ELAPOR1: variants seen among roughly 807,000 people sequenced by gnomAD.
ELAPOR1 encodes endosome/lysosome-associated apoptosis and autophagy regulator 1.
In ELAPOR1, 77 loss-of-function variants were observed where a neutral mutation model predicts 119.7. The ratio of observed to expected loss-of-function variants is 0.64; its 90% CI spans 0.54 to 0.78. The LOEUF (loss-of-function observed/expected upper bound fraction) is 0.78, where lower values mean the gene tolerates loss of function less well. ELAPOR1 is among the 30% of genes least tolerant of loss of function. The pLI is 0.00. For synonymous variants in ELAPOR1, 481 were observed against 487.2 expected, an observed-to-expected ratio of 0.99 and a Z score of 0.17; for missense variants, 1,115 against 1,270.4, an observed-to-expected ratio of 0.88 and a Z score of 1.86.
At position 109,175,814 on chromosome 1, in the gene ELAPOR1, G is replaced by A. The variant is rs560457657; in HGVS notation, c.952+1977G>A. The stretch of plus-strand genomic sequence containing the variant: ...TGCACTCCAGCCTGGGTGATAGAGC[G>A]AGACTCAGTCTCAAAAAAAAAAAAA... On this transcript the variant is annotated intron_variant, in intron 7 of 21. Coordinates refer to ENST00000369939, the MANE Select transcript of ELAPOR1 (RefSeq NM_020775.5). Among the ~76,000 whole-genome samples, 376 of 111,576 alleles carry A rather than the reference G, an allele frequency of 3.4e-3. 3 individuals carry two copies. The highest frequency in any genetic ancestry group is 0.012 in the African/African-American group (341 of 28,018). 73.2% of individuals were successfully genotyped at this position (111,576 alleles called of 152,430 possible). A position where few individuals can be genotyped will look rare whatever the true frequency, so the allele number is the denominator to read the frequency against.
At position 109,198,029 on chromosome 1, in the gene ELAPOR1, T is replaced by C; in HGVS notation, c.2353T>C (p.Phe785Leu). The change falls in exon 17 of 22, where the codon TTC becomes CTC. Residue 785 changes from phenylalanine (F) to leucine (L), a missense_variant. Physicochemically the swap from Phe to Leu is conservative, Grantham distance 22. Coordinates refer to ENST00000369939, the MANE Select transcript of ELAPOR1 (RefSeq NM_020775.5). Reference protein sequence around the residue: ...LDGITSPAELFHLESLGIPDV... With the variant: ...LDGITSPAELLHLESLGIPDV... ...TGGAATCACCTCCCCAGCTGAACTTTTCCACCTGGAGTCCTTGGGAATACC... is the reference window on the plus strand; with the variant it reads ...TGGAATCACCTCCCCAGCTGAACTTCTCCACCTGGAGTCCTTGGGAATACC... 1 of 1,614,116 alleles carries C rather than the reference T, an allele frequency of 6.2e-7. No homozygotes were observed. The highest frequency in any genetic ancestry group is 8.5e-7 in the Non-Finnish European group (1 of 1,179,968).
rs534444533 is a variant in ELAPOR1 at position 109,135,751 on chromosome 1, ACT to A, written c.153+21416_153+21417del. On this transcript the variant is annotated intron_variant, in intron 1 of 21. Coordinates refer to ENST00000369939, the MANE Select transcript of ELAPOR1 (RefSeq NM_020775.5). ...GGGGCATATGACTGAATATCTCTTAACTGGTTTCTTCACTTTTAAAATGGGGG... is the reference window on the plus strand; with the variant it reads ...GGGGCATATGACTGAATATCTCTTAAGGTTTCTTCACTTTTAAAATGGGGG... Among the ~76,000 whole-genome samples the A allele has an allele frequency of 1.1e-4, 17 of 152,276 alleles. No homozygotes were observed. The South Asian group carries it at 2.9e-3, about 26-fold the overall frequency.
intron 1 of ELAPOR1, among the ~76,000 whole-genome samples, chr1:109,157,404 C>T (rs1181084225): frequency 1.3e-5 from 2 of 152,166 alleles, no homozygotes; most frequent in Non-Finnish European, 2.9e-5. Context: ...GCTTGACCTA[C>T]ATCATCTTAA....
chr1:109,164,323 A>T (rs1310849676), intron 2 of ELAPOR1, among the ~76,000 whole-genome samples, 176 bp from the exon 3 acceptor site: 1 of 152,164 alleles, frequency 6.6e-6, no homozygotes, highest in African/African-American at 2.4e-5. Context: ...CTGAAAAAAA[A>T]ATTTTTTTAA....
chr1:109,165,939 G>T (rs1651573382), intron 3 of ELAPOR1, among the ~76,000 whole-genome samples: 1 of 148,464 alleles, frequency 6.7e-6, no homozygotes, highest in African/African-American at 2.5e-5. Context: ...TTTTTGAGAT[G>T]GAGTCTCGCT....
At chr1:109,202,385 G>T (rs1176315458) in intron 21 of ELAPOR1, among the ~76,000 whole-genome samples, 1 of 150,540 alleles carries the variant, frequency 6.6e-6, no homozygotes, top group Non-Finnish European at 1.5e-5. Flanking sequence ...CTCCCAAAGT[G>T]CTGGGATCAC....
chr1:109,198,170 A>G (rs1653946944), intron 17 of ELAPOR1, 95 bp downstream of exon 17: 2 of 948,274 alleles, frequency 2.1e-6, no homozygotes, highest in Non-Finnish European at 3.4e-6. Flanking sequence ...ACTGCTTATC[A>G]AGCCAGAACA....
Position 109,114,287 on chromosome 1 carries a change from CCT to C in ELAPOR1, c.105_106del (p.Phe36ProfsTer17), listed in dbSNP as rs778028024. 2.5e-6 allele frequency: 4 copies of C among 1,600,856 alleles called. No individual in the cohort carries two copies. Among genetic ancestry groups the C allele is most frequent in the Non-Finnish European group, 2.6e-6 (3 of 1,174,058 alleles). Reference sequence around the variant, plus strand: ...CGGCTGCTGCTCTGGGCTGGGACCGCCTTCCAGGTGACCCAGGGAACGGGACC... The same window carrying C: ...CGGCTGCTGCTCTGGGCTGGGACCGCTCCAGGTGACCCAGGGAACGGGACC... On this transcript the variant is annotated frameshift_variant, in exon 1 of 22. Coordinates refer to ENST00000369939, the MANE Select transcript of ELAPOR1 (RefSeq NM_020775.5). LOFTEE classifies it high-confidence loss of function.
intron 1 of ELAPOR1, among the ~76,000 whole-genome samples, chr1:109,152,974 GA>G (rs1446419842): frequency 2.2e-4 from 31 of 142,010 alleles, no homozygotes; most frequent in Admixed American, 7.7e-4. Flanking sequence ...AAAAAAGAAA[GA>G]AAAAAAGGAC....
intron 17 of ELAPOR1, 21 bp from the exon 18 acceptor site, chr1:109,198,552 G>C: frequency 6.2e-7 from 1 of 1,603,370 alleles, no homozygotes; most frequent in Non-Finnish European, 8.5e-7. Flanking sequence ...ATTCCCTCAT[G>C]GGGGCTGGCT....
chr1:109,191,066 A>G (rs1653399928), intron 11 of ELAPOR1, among the ~76,000 whole-genome samples: 1 of 152,144 alleles, frequency 6.6e-6, no homozygotes, highest in Admixed American at 6.6e-5. Flanking sequence ...ATATTCTGCT[A>G]GTGAGGTGAT....
Position 109,205,836 on chromosome 1 carries a change from T to A in ELAPOR1, c.*2824T>A, listed in dbSNP as rs1424457035. 1 of 152,218 alleles carries A rather than the reference T, an allele frequency of 6.6e-6. No individual in the cohort carries two copies. Among genetic ancestry groups the A allele is most frequent in the African/African-American group, 2.4e-5 (1 of 41,448 alleles). 9.4% of individuals were successfully genotyped at this position (152,218 alleles called of 1,614,324 possible). ...TGTGACCTGTCAGGAACTCCTGAGT[T>A]ACGCTACTGGGGTCACCTGTTGCTC... On this transcript the variant is annotated 3_prime_UTR_variant, in exon 22 of 22. Coordinates refer to ENST00000369939, the MANE Select transcript of ELAPOR1 (RefSeq NM_020775.5).
chr1:109,123,431 T>G (rs543304677), intron 1 of ELAPOR1, among the ~76,000 whole-genome samples: 1 of 152,314 alleles, frequency 6.6e-6, no homozygotes, highest in South Asian at 2.1e-4. Flanking sequence ...AGACGACATA[T>G]GAATATTTTT....
intron 15 of ELAPOR1, among the ~76,000 whole-genome samples, chr1:109,196,866 A>C (rs1018349929): frequency 2.0e-5 from 3 of 152,166 alleles, no homozygotes; most frequent in Non-Finnish European, 4.4e-5. Context: ...TGTTTTTAGT[A>C]AAGACGGGGT....
At chr1:109,132,674 G>T (rs909382703) in intron 1 of ELAPOR1, among the ~76,000 whole-genome samples, 2 of 152,170 alleles carry the variant, frequency 1.3e-5, no homozygotes, top group African/African-American at 4.8e-5. Flanking sequence ...AGCCATGCAA[G>T]GGTAGGGATC....
intron 18 of ELAPOR1, among the ~76,000 whole-genome samples, chr1:109,199,633 G>A (rs1021861726): frequency 3.3e-5 from 5 of 152,138 alleles, no homozygotes; most frequent in African/African-American, 7.2e-5. Context: ...AAACATAAAC[G>A]GGCAGAGGGT....
intron 1 of ELAPOR1, among the ~76,000 whole-genome samples, chr1:109,138,531 C>T (rs956885454): frequency 2.0e-5 from 3 of 149,914 alleles, no homozygotes; most frequent in African/African-American, 7.4e-5. Flanking sequence ...ATGTCAAACA[C>T]AGTATGAAAA....
intron 7 of ELAPOR1, among the ~76,000 whole-genome samples, chr1:109,180,352 G>T (rs1294587492): frequency 6.6e-6 from 1 of 152,066 alleles, no homozygotes; most frequent in Non-Finnish European, 1.5e-5. Flanking sequence ...CTATAAAATG[G>T]GAAGGACAGC....
chr1:109,187,820 G>A, intron 8 of ELAPOR1: 1 of 971,272 alleles, frequency 1.0e-6, no homozygotes, highest in Non-Finnish European at 1.3e-6. Context: ...CTGTGTTCTG[G>A]GATTTTCACC....
Sources: allele counts gnomAD v4.1 joint callset (sites outside exome capture counted in the v4.1 genomes callset), GRCh38; gene constraint gnomAD v4.1.1; transcripts MANE v1.5; gene names NCBI Gene and HGNC (gene_info 2026-07-23, HGNC 2026-07-21).